Variants in FLNB observed in about 807,000 individuals in gnomAD.
FLNB encodes filamin B, also known as filamin-B.
In FLNB, 111 loss-of-function variants were observed where a neutral mutation model predicts 250.6. The observed-to-expected ratio is 0.44, with a 90% confidence interval of 0.38 to 0.52. The LOEUF is 0.52. Ranked by LOEUF, FLNB falls within the 20% of genes least tolerant of loss-of-function variation. The pLI, the probability that FLNB is intolerant of heterozygous loss-of-function variation, is 0.00. For synonymous variants in FLNB, 1,302 were observed against 1,372.1 expected, an observed-to-expected ratio of 0.95 and a Z score of 1.13; for missense variants, 2,869 against 3,447.8, an observed-to-expected ratio of 0.83 and a Z score of 4.20.
chr3:58,063,666 A>G (rs959545087), intron 1 of FLNB, among the ~76,000 whole-genome samples: 21 of 152,332 alleles, frequency 1.4e-4, no homozygotes, highest in African/African-American at 4.6e-4. Flanking sequence ...AAGACTTTAA[A>G]TTAGGAGTTT....
At chr3:58,136,582 A>G (rs1191013054) in intron 28 of FLNB, among the ~76,000 whole-genome samples, 1 of 152,132 alleles carries the variant, frequency 6.6e-6, no homozygotes, top group East Asian at 1.9e-4. Context: ...AGCATTAGAG[A>G]AACACATTTA....
At chr3:58,040,697 G>A (rs1260482163) in intron 1 of FLNB, among the ~76,000 whole-genome samples, 3 of 152,240 alleles carry the variant, frequency 2.0e-5, no homozygotes, top group Middle Eastern at 3.4e-3. Context: ...GTTTCACCAC[G>A]TTGGCCAGGC....
intron 1 of FLNB, among the ~76,000 whole-genome samples, chr3:58,013,360 C>G (rs1230033150): frequency 6.6e-6 from 1 of 152,200 alleles, no homozygotes; most frequent in Non-Finnish European, 1.5e-5. Context: ...CTTCGGGTCA[C>G]TAGGCAGCTT....
At chr3:58,152,543 C>T (rs1186201051) in intron 38 of FLNB, among the ~76,000 whole-genome samples, 2 of 149,864 alleles carry the variant, frequency 1.3e-5, no homozygotes, top group Admixed American at 6.6e-5. Context: ...GGTCGCTCCA[C>T]TTTCATGACC....
intron 27 of FLNB, 55 bp from the exon 28 acceptor site, chr3:58,135,924 G>T: frequency 1.9e-6 from 3 of 1,571,052 alleles, no homozygotes; most frequent in South Asian, 2.3e-5. Context: ...GGTTTTCCAT[G>T]AATGTTTTCT....
In FLNB at chr3:58,078,270, C is replaced by T. The variant is rs1049105527; in HGVS notation, c.542-447C>T. 5.7e-6 allele frequency: 8 copies of T among 1,414,968 alleles called. No individual in the cohort carries two copies. In the African/African-American group the frequency reaches 1.0e-4, roughly 18 times the overall value. The allele number at this position is 1,414,968 out of a possible 1,614,324, so 87.7% of individuals were successfully genotyped here. A position where few individuals can be genotyped will look rare whatever the true frequency, so the allele number is the denominator to read the frequency against. On this transcript the variant is annotated intron_variant, in intron 2 of 45. Transcript: ENST00000295956. ...TGGGAGTTTTTACTCTAGTCCTTTA[C>T]CTCATGTGCTTACAAAGGCTTTTAA...
intron 12 of FLNB, 138 bp downstream of exon 12, chr3:58,107,011 ATTTGTTTGTTTG>A (rs543270582): frequency 7.4e-5 from 54 of 727,730 alleles, no homozygotes; most frequent in East Asian, 4.8e-4. Context: ...ACAGGCCTGC[ATTTGTTTGTTTG>A]TTTGTTTGTT....
chr3:58,013,696 T>C (rs1306232441), intron 1 of FLNB, among the ~76,000 whole-genome samples: 4 of 152,184 alleles, frequency 2.6e-5, no homozygotes, highest in Admixed American at 1.3e-4. Context: ...TGGTGGTGCA[T>C]GCCTGTAATC....
chr3:58,170,587 T>C lies in FLNB; in HGVS notation c.7634T>C (p.Leu2545Pro). The change falls in exon 46 of 46, where the codon CTG becomes CCG. Residue 2545 changes from leucine (L) to proline (P), a missense_variant. Physicochemically the swap from Leu to Pro is moderately conservative, Grantham distance 98. Around this residue, in one of 5 missense-constraint regions of FLNB, gnomAD observed 1,084 missense variants for 1,315.5 expected, o/e 0.82. Transcript: ENST00000295956. Reference sequence around the variant, plus strand: ...TTTTGCCTCCTAGGCTCCAACATGCTGCTGATCGGGGTCCATGGGCCCACC... The same window carrying C: ...TTTTGCCTCCTAGGCTCCAACATGCCGCTGATCGGGGTCCATGGGCCCACC... Reference protein sequence around the residue: ...VDCSKAGSNMLLIGVHGPTTP... With the variant: ...VDCSKAGSNMPLIGVHGPTTP... 2 of 1,614,122 alleles carry C rather than the reference T, an allele frequency of 1.2e-6. No homozygotes were observed. Among genetic ancestry groups the C allele is most frequent in the South Asian group, 2.2e-5 (2 of 91,076 alleles).
chr3:58,168,620 A>T lies in FLNB; in HGVS notation c.7379A>T (p.Asn2460Ile). The T allele has an allele frequency of 6.2e-7, 1 of 1,614,108 alleles. No individual in the cohort carries two copies. The highest frequency in any genetic ancestry group is 8.5e-7 in the Non-Finnish European group (1 of 1,179,996). Reference sequence around the variant, plus strand: ...ATCAGCGTCAAATACGGTGGGCCCAACCACATCGTGGGCAGTCCCTTCAAG... The same window carrying T: ...ATCAGCGTCAAATACGGTGGGCCCATCCACATCGTGGGCAGTCCCTTCAAG... ...YLISVKYGGP[N>I]HIVGSPFKAK... is the part of the protein sequence containing the mutation. Residue 2460 changes from asparagine to isoleucine, a missense_variant, in exon 44 of 46, where the codon AAC (asparagine) becomes ATC (isoleucine). This residue lies in a region of FLNB where 1,084 missense variants were observed against 1,315.5 expected (regional missense o/e 0.82). Coordinates refer to ENST00000295956, the MANE Select transcript of FLNB (RefSeq NM_001457.4).
At chr3:58,132,062 C>A (rs1454956294) in intron 25 of FLNB, 2 of 1,306,296 alleles carry the variant, frequency 1.5e-6, no homozygotes, top group Middle Eastern at 1.8e-4. Flanking sequence ...AACCCAAATG[C>A]TTCTTGCTGG....
intron 12 of FLNB, among the ~76,000 whole-genome samples, 174 bp downstream of exon 12, chr3:58,107,047 T>A (rs1202970106): frequency 1.3e-5 from 2 of 151,474 alleles, no homozygotes; most frequent in African/African-American, 4.8e-5. Context: ...TTGTTTGTTT[T>A]GAGACAGACT....
intron 1 of FLNB, among the ~76,000 whole-genome samples, chr3:58,009,192 C>T (rs901631542): frequency 6.6e-6 from 1 of 152,162 alleles, no homozygotes; most frequent in African/African-American, 2.4e-5. Context: ...GACTAGAAAC[C>T]CTCGTTCGCT....
At chr3:58,017,481 G>T (rs185841335) in intron 1 of FLNB, among the ~76,000 whole-genome samples, 1 of 152,102 alleles carries the variant, frequency 6.6e-6, no homozygotes, top group South Asian at 2.1e-4. Context: ...TCGAACTCCC[G>T]ATCTCAGGTG....
At chr3:58,010,960 G>T (rs2097097731) in intron 1 of FLNB, among the ~76,000 whole-genome samples, 1 of 152,106 alleles carries the variant, frequency 6.6e-6, no homozygotes, top group South Asian at 2.1e-4. Context: ...CTGTCTCCAG[G>T]CTGGAGTACA....
At chr3:58,027,883 A>G (rs2097125637) in intron 1 of FLNB, among the ~76,000 whole-genome samples, 1 of 152,242 alleles carries the variant, frequency 6.6e-6, no homozygotes, top group Non-Finnish European at 1.5e-5. Context: ...GAAGGTAACC[A>G]TAAATAAACC....
At chr3:58,091,720 G>A (rs1472652713) in intron 4 of FLNB, among the ~76,000 whole-genome samples, 1 of 152,062 alleles carries the variant, frequency 6.6e-6, no homozygotes, top group Non-Finnish European at 1.5e-5. Flanking sequence ...ATGGTACATG[G>A]TGGTTGGCCT....
intron 32 of FLNB, among the ~76,000 whole-genome samples, chr3:58,144,920 C>G (rs2097333400): frequency 6.6e-6 from 1 of 152,200 alleles, no homozygotes; most frequent in African/African-American, 2.4e-5. Flanking sequence ...ACATTTGGAT[C>G]CACGGCCTGT....
chr3:58,125,054 TG>T (rs2097295431), intron 22 of FLNB, among the ~76,000 whole-genome samples: 1 of 152,182 alleles, frequency 6.6e-6, no homozygotes. Context: ...TTTGCTTGGT[TG>T]GGGTGGAGTG....
Sources: allele counts gnomAD v4.1 joint callset (sites outside exome capture counted in the v4.1 genomes callset), GRCh38; gene constraint gnomAD v4.1.1; regional missense constraint gnomAD v4.1.1; transcripts MANE v1.5; gene names NCBI Gene and HGNC (gene_info 2026-07-23, HGNC 2026-07-21).